Variants in P2RY14 observed in about 807,000 individuals in gnomAD.
P2RY14 encodes the protein purinergic receptor P2Y14.
A neutral mutation model predicts 0.9 loss-of-function variants in P2RY14; 2 were observed. The observed-to-expected ratio is 2.16, with a 90% CI of 0.88 to 6.79. The LOEUF is 6.79. Among genes scored for constraint, P2RY14 ranks in the 30% most tolerant of loss-of-function variants. The probability of loss-of-function intolerance (pLI) is 0.05; values close to 1 mark genes in which losing one functional copy is unlikely to be tolerated. For synonymous variants in P2RY14, 158 were observed against 147.2 expected, an observed-to-expected ratio of 1.07 and a Z score of -0.53; for missense variants, 378 against 400.1, an observed-to-expected ratio of 0.94 and a Z score of 0.47.
At chr3:151,258,206 G>A (rs1420338844) in intron 1 of P2RY14, among the ~76,000 whole-genome samples, 1 of 152,154 alleles carries the variant, frequency 6.6e-6, no homozygotes, top group African/African-American at 2.4e-5. Flanking sequence ...GGATTAGAAA[G>A]ATCTGGAAGC....
intron 1 of P2RY14, among the ~76,000 whole-genome samples, chr3:151,263,394 G>A (rs533408957): frequency 2.0e-5 from 3 of 152,308 alleles, no homozygotes; most frequent in South Asian, 4.1e-4. Context: ...ATGTACAAAT[G>A]TGGTGTTCAC....
chr3:151,246,761 T>C (rs1735603436), intron 1 of P2RY14, among the ~76,000 whole-genome samples: 4 of 152,228 alleles, frequency 2.6e-5, no homozygotes, highest in South Asian at 4.1e-4. Context: ...AAAGCCAAAA[T>C]TGACAAATGG....
chr3:151,237,759 A>AG (rs1339724569), intron 1 of P2RY14, among the ~76,000 whole-genome samples: 2 of 152,022 alleles, frequency 1.3e-5, no homozygotes, highest in Non-Finnish European at 2.9e-5. Flanking sequence ...CAGATTAAAA[A>AG]TTTTTTTCTT....
At chr3:151,261,812 C>T (rs1162134085) in intron 1 of P2RY14, among the ~76,000 whole-genome samples, 4 of 152,128 alleles carry the variant, frequency 2.6e-5, no homozygotes, top group Non-Finnish European at 4.4e-5. Flanking sequence ...ATAACCTCCA[C>T]CTCCTGGGTT....
In P2RY14 at chr3:151,213,231, T is replaced by C. The variant is rs1393374313; in HGVS notation, c.*69A>G. 4 of 1,189,964 alleles carry C rather than the reference T, an allele frequency of 3.4e-6. No homozygotes were observed. The highest frequency in any genetic ancestry group is 2.3e-5 in the Admixed American group (1 of 43,536). The allele number at this position is 1,189,964 out of a possible 1,614,324, so 73.7% of individuals were successfully genotyped here. A position where few individuals can be genotyped will look rare whatever the true frequency, so the allele number is the denominator to read the frequency against. ...ATTTATGATGAGGGCACATATCTTA[T>C]TGATTTCTGTTATGTAATTGAAGAT... is the stretch of plus-strand genomic sequence containing the variant. On this transcript the variant is annotated 3_prime_UTR_variant, in exon 3 of 3. Transcript: ENST00000309170.
At chr3:151,252,509 G>T (rs1737047515) in intron 1 of P2RY14, among the ~76,000 whole-genome samples, 1 of 152,060 alleles carries the variant, frequency 6.6e-6, no homozygotes, top group Non-Finnish European at 1.5e-5. Context: ...TTTGGCACCT[G>T]ACATTTTTAT....
intron 1 of P2RY14, among the ~76,000 whole-genome samples, chr3:151,261,096 G>A (rs1483469346): frequency 6.6e-6 from 1 of 151,942 alleles, no homozygotes; most frequent in East Asian, 1.9e-4. Flanking sequence ...TGATTTTCAG[G>A]GCCATGTTTA....
At chr3:151,239,314 C>G (rs1018528145) in intron 1 of P2RY14, among the ~76,000 whole-genome samples, 1 of 152,174 alleles carries the variant, frequency 6.6e-6, no homozygotes, top group Non-Finnish European at 1.5e-5. Context: ...ATATTGCAAT[C>G]ATGCTTTAAA....
intron 1 of P2RY14, among the ~76,000 whole-genome samples, chr3:151,235,977 T>C (rs1732684948): frequency 1.3e-5 from 2 of 152,144 alleles, no homozygotes; most frequent in Non-Finnish European, 2.9e-5. Context: ...TAATTGTGGT[T>C]TTTGTGATGA....
intron 1 of P2RY14, among the ~76,000 whole-genome samples, chr3:151,265,839 A>G (rs1364754803): frequency 2.6e-5 from 4 of 152,184 alleles, no homozygotes; most frequent in Non-Finnish European, 5.9e-5. Context: ...CAGAACACCT[A>G]TGAAATTGGA....
At chr3:151,258,504 A>AT (rs1191497242) in intron 1 of P2RY14, among the ~76,000 whole-genome samples, 1 of 152,116 alleles carries the variant, frequency 6.6e-6, no homozygotes, top group Non-Finnish European at 1.5e-5. Context: ...AACAATGAGA[A>AT]TTTTCACATT....
chr3:151,264,282 G>T (rs1224564709), intron 1 of P2RY14, among the ~76,000 whole-genome samples: 1 of 152,150 alleles, frequency 6.6e-6, no homozygotes, highest in Non-Finnish European at 1.5e-5. Flanking sequence ...GCACTTGTTT[G>T]CTGTGACATC....
chr3:151,262,054 T>A (rs1205034794), intron 1 of P2RY14, among the ~76,000 whole-genome samples: 4 of 152,194 alleles, frequency 2.6e-5, no homozygotes, highest in African/African-American at 9.7e-5. Context: ...AACAAACATG[T>A]TAAAGTTTGA....
intron 1 of P2RY14, among the ~76,000 whole-genome samples, chr3:151,228,459 C>A (rs1451277301): frequency 6.6e-6 from 1 of 152,020 alleles, no homozygotes; most frequent in Non-Finnish European, 1.5e-5. Flanking sequence ...GACAGTTTCC[C>A]CTCTTCTTTA....
intron 1 of P2RY14, among the ~76,000 whole-genome samples, chr3:151,261,621 C>A (rs1270091880): frequency 1.3e-5 from 2 of 152,014 alleles, no homozygotes; most frequent in Non-Finnish European, 2.9e-5. Context: ...TGCAAGTTAC[C>A]CAAGACTCCC....
chr3:151,274,653 G>A (rs1320000948), intron 1 of P2RY14, among the ~76,000 whole-genome samples: 1 of 152,228 alleles, frequency 6.6e-6, no homozygotes, highest in Non-Finnish European at 1.5e-5. Flanking sequence ...GTCAGTAAAT[G>A]ACTTCTGATG....
intron 1 of P2RY14, among the ~76,000 whole-genome samples, chr3:151,234,480 C>G (rs1732324201): frequency 6.6e-6 from 1 of 152,196 alleles, no homozygotes; most frequent in Non-Finnish European, 1.5e-5. Flanking sequence ...TTTGTTTTTA[C>G]TAGCTTGTCT....
chr3:151,261,659 T>C (rs1388782784), intron 1 of P2RY14, among the ~76,000 whole-genome samples: 1 of 151,820 alleles, frequency 6.6e-6, no homozygotes, highest in Non-Finnish European at 1.5e-5. Context: ...AAACTCAGCC[T>C]CTGGGGAGGG....
intron 1 of P2RY14, among the ~76,000 whole-genome samples, chr3:151,270,638 C>G (rs1351388790): frequency 6.6e-6 from 1 of 151,978 alleles, no homozygotes; most frequent in East Asian, 1.9e-4. Flanking sequence ...AAAGACAAAA[C>G]AAAAAATGGG....
Sources: gnomAD v4.1 joint callset for allele counts (sites outside exome capture counted in the v4.1 genomes callset) on GRCh38, gnomAD v4.1.1 for gene constraint, MANE v1.5 for transcripts, NCBI Gene and HGNC (gene_info 2026-07-23, HGNC 2026-07-21) for gene names.